PAPPA2: variants seen among roughly 807,000 people sequenced by gnomAD.
PAPPA2 encodes pappalysin 2.
Under a neutral mutation model 176.4 loss-of-function variants are expected in PAPPA2, and 86 were observed. That is an observed-to-expected ratio of 0.49 (90% CI 0.41 to 0.58). PAPPA2 has a LOEUF of 0.58. Among genes scored for constraint, PAPPA2 ranks in the 20% least tolerant of loss-of-function variants. The pLI, the probability that PAPPA2 is intolerant of heterozygous loss-of-function variation, is 0.00. For missense variants in PAPPA2, 2,073 were observed against 2,256.9 expected (o/e 0.92, Z 1.65); for synonymous variants, 809 against 852.2 (o/e 0.95, Z 0.88).
chr1:176,822,368 C>A (rs1285081070), intron 21 of PAPPA2, among the ~76,000 whole-genome samples: 1 of 152,112 alleles, frequency 6.6e-6, no homozygotes, highest in African/African-American at 2.4e-5. Flanking sequence ...TCTTTCTTAA[C>A]TTCCTTCCTC....
At chr1:176,809,861 T>C (rs1407094309) in intron 21 of PAPPA2, among the ~76,000 whole-genome samples, 1 of 151,964 alleles carries the variant, frequency 6.6e-6, no homozygotes, top group Non-Finnish European at 1.5e-5. Context: ...ATAGTGGCAA[T>C]CACGGGCTTC....
intron 1 of PAPPA2, among the ~76,000 whole-genome samples, chr1:176,539,555 G>A (rs1650259114): frequency 1.3e-5 from 2 of 152,182 alleles, no homozygotes; most frequent in Non-Finnish European, 2.9e-5. Context: ...GGGGTGGAGG[G>A]AAGACCTCTA....
intron 3 of PAPPA2, among the ~76,000 whole-genome samples, chr1:176,630,691 AC>A (rs1656289115): frequency 6.6e-6 from 1 of 152,178 alleles, no homozygotes; most frequent in Admixed American, 6.5e-5. Flanking sequence ...TTAAGAGCTA[AC>A]TATACAGGCT....
At chr1:176,634,837 GA>G in intron 3 of PAPPA2, among the ~76,000 whole-genome samples, 1 of 141,874 alleles carries the variant, frequency 7.0e-6, no homozygotes, top group East Asian at 2.0e-4. Context: ...TAGATAGATA[GA>G]TAGATAGATA....
intron 3 of PAPPA2, among the ~76,000 whole-genome samples, chr1:176,623,801 T>TTCTTTC (rs1558479817): frequency 1.2e-4 from 15 of 121,382 alleles, no homozygotes; most frequent in African/African-American, 4.3e-4. Flanking sequence ...CTTTCTTTCT[T>TTCTTTC]TCTTTCTTCT....
intron 21 of PAPPA2, among the ~76,000 whole-genome samples, chr1:176,831,626 G>A (rs1458282439): frequency 6.6e-6 from 1 of 152,184 alleles, no homozygotes; most frequent in Admixed American, 6.5e-5. Flanking sequence ...TGGGGAAGCA[G>A]GTCAGTGTGT....
At chr1:176,511,076 G>C (rs1383798470) in intron 1 of PAPPA2, among the ~76,000 whole-genome samples, 1 of 151,870 alleles carries the variant, frequency 6.6e-6, no homozygotes, top group Non-Finnish European at 1.5e-5. Context: ...AACATTATTA[G>C]AATGGATTAA....
intron 3 of PAPPA2, among the ~76,000 whole-genome samples, chr1:176,623,888 T>C (rs767224369): frequency 6.6e-6 from 1 of 150,736 alleles, no homozygotes; most frequent in Non-Finnish European, 1.5e-5. Context: ...TCACCCAGGC[T>C]GGAGTGCAGT....
chr1:176,835,101 A>G (rs1431369797), intron 21 of PAPPA2, among the ~76,000 whole-genome samples: 2 of 152,240 alleles, frequency 1.3e-5, no homozygotes, highest in East Asian at 3.8e-4. Context: ...TAAAGGTGCC[A>G]AAAGAACTTA....
At chr1:176,691,499 T>C (rs1660120964) in intron 5 of PAPPA2, among the ~76,000 whole-genome samples, 1 of 152,212 alleles carries the variant, frequency 6.6e-6, no homozygotes, top group Non-Finnish European at 1.5e-5. Flanking sequence ...AGGCAGCACC[T>C]TTGAAGCGGG....
At chr1:176,627,164 C>A (rs1656076502) in intron 3 of PAPPA2, among the ~76,000 whole-genome samples, 1 of 152,096 alleles carries the variant, frequency 6.6e-6, no homozygotes, top group South Asian at 2.1e-4. Context: ...CAAGAAGGTG[C>A]ATTTTCCTGT....
At chr1:176,741,279 C>T (rs966462853) in intron 14 of PAPPA2, among the ~76,000 whole-genome samples, 2 of 152,166 alleles carry the variant, frequency 1.3e-5, no homozygotes, top group Non-Finnish European at 2.9e-5. Flanking sequence ...GGAGAATTCA[C>T]TTCCAAGCTC....
At chr1:176,687,139 T>C (rs546803607) in intron 4 of PAPPA2, among the ~76,000 whole-genome samples, 4 of 152,358 alleles carry the variant, frequency 2.6e-5, no homozygotes, top group Non-Finnish European at 4.4e-5. Context: ...TTGCAGTGCC[T>C]TCTCATATAA....
chr1:176,540,411 C>G (rs1650304976), intron 1 of PAPPA2, among the ~76,000 whole-genome samples: 1 of 152,180 alleles, frequency 6.6e-6, no homozygotes, highest in East Asian at 1.9e-4. Context: ...GAGTTGATTG[C>G]TTTATTCTTA....
chr1:176,581,769 G>A (rs537004332), intron 2 of PAPPA2, among the ~76,000 whole-genome samples: 2 of 151,654 alleles, frequency 1.3e-5, no homozygotes, highest in African/African-American at 2.4e-5. Flanking sequence ...ATCGCTGTTA[G>A]CATATAAAAA....
At chr1:176,711,450 G>A (rs892698509) in intron 11 of PAPPA2, among the ~76,000 whole-genome samples, 3 of 152,098 alleles carry the variant, frequency 2.0e-5, no homozygotes, top group Admixed American at 6.6e-5. Flanking sequence ...AATCCTCAGT[G>A]GTTCCCTAAC....
intron 2 of PAPPA2, among the ~76,000 whole-genome samples, chr1:176,584,041 C>T (rs1002055248): frequency 2.6e-5 from 4 of 152,070 alleles, no homozygotes; most frequent in Non-Finnish European, 5.9e-5. Context: ...AACCCTGTCT[C>T]GAAAAAATAT....
At chr1:176,516,274 CTTT>C (rs201764654) in intron 1 of PAPPA2, among the ~76,000 whole-genome samples, 10 of 140,772 alleles carry the variant, frequency 7.1e-5, no homozygotes, top group Non-Finnish European at 6.2e-5. Flanking sequence ...GAGTTTAATT[CTTT>C]TTTTTTTTTT....
intron 14 of PAPPA2, among the ~76,000 whole-genome samples, chr1:176,746,356 C>T (rs913375733): frequency 3.3e-5 from 5 of 152,176 alleles, no homozygotes; most frequent in African/African-American, 7.2e-5. Flanking sequence ...CTGTGTCTTT[C>T]GTGTTCCACA....
Sources: allele counts gnomAD v4.1 joint callset (sites outside exome capture counted in the v4.1 genomes callset), GRCh38; gene constraint gnomAD v4.1.1; transcripts MANE v1.5; gene names NCBI Gene and HGNC (gene_info 2026-07-23, HGNC 2026-07-21).